Variants in DPYSL5 observed in about 807,000 individuals in gnomAD.
The protein encoded by DPYSL5 is dihydropyrimidinase like 5.
In DPYSL5, 9 loss-of-function variants were observed where a neutral mutation model predicts 58.4. The observed-to-expected ratio is 0.15, with a 90% confidence interval of 0.09 to 0.27. The LOEUF (loss-of-function observed/expected upper bound fraction) is 0.27. DPYSL5 is among the 10% of genes least tolerant of loss of function. The pLI is 1.00. For missense variants in DPYSL5, 499 were observed against 770.6 expected, an observed-to-expected ratio of 0.65 and a Z score of 4.17; for synonymous variants, 293 against 301.9, an observed-to-expected ratio of 0.97 and a Z score of 0.31.
At chr2:26,928,124 A>G in intron 4 of DPYSL5, 131 bp from the exon 5 acceptor site, 1 of 943,520 alleles carries the variant, frequency 1.1e-6, no homozygotes. Flanking sequence ...CGAACACTGC[A>G]GAAGTGAGAA....
At chr2:26,938,790 C>A (rs1257404414) in intron 8 of DPYSL5, 2 of 152,220 alleles carry the variant, frequency 1.3e-5, no homozygotes, top group Non-Finnish European at 2.9e-5. Flanking sequence ...ACAATGGGAC[C>A]CCTGCCCCTG....
chr2:26,931,953 A>T (rs1665000700), intron 6 of DPYSL5, among the ~76,000 whole-genome samples: 2 of 140,148 alleles, frequency 1.4e-5, no homozygotes, highest in Admixed American at 1.5e-4. Context: ...GGTTGCAGTG[A>T]GCCAAGATCG....
intron 1 of DPYSL5, among the ~76,000 whole-genome samples, chr2:26,859,260 C>A (rs1296851562): frequency 1.3e-5 from 2 of 151,984 alleles, no homozygotes; most frequent in Non-Finnish European, 2.9e-5. Flanking sequence ...TTAGATAGTA[C>A]AACCACAAAA....
At chr2:26,883,626 T>C (rs1663629741) in intron 1 of DPYSL5, among the ~76,000 whole-genome samples, 1 of 152,176 alleles carries the variant, frequency 6.6e-6, no homozygotes, top group Non-Finnish European at 1.5e-5. Flanking sequence ...CTTGAACCCC[T>C]GACCTCAAGT....
At chr2:26,915,661 G>T (rs966405180) in intron 2 of DPYSL5, among the ~76,000 whole-genome samples, 1 of 152,070 alleles carries the variant, frequency 6.6e-6, no homozygotes, top group Non-Finnish European at 1.5e-5. Context: ...TTGACTCTGC[G>T]GTGCATTTTC....
At chr2:26,928,182 C>A in intron 4 of DPYSL5, 73 bp from the exon 5 acceptor site, 1 of 1,459,854 alleles carries the variant, frequency 6.9e-7, no homozygotes, top group South Asian at 1.2e-5. Flanking sequence ...ATTTCACTGT[C>A]CCTTGGGTTC....
chr2:26,924,954 T>A lies in DPYSL5; in HGVS notation c.329T>A (p.Val110Glu), dbSNP rs1287257616. ...HVLPDKETSL[V>E]DAYEKCRGLA... ...CTGCCCGACAAGGAGACCTCCCTTG[T>A]GGACGCTTATGAGAAGTGCCGAGGT... Residue 110 changes from valine (V) to glutamate (E), a missense_variant, in exon 3 of 13, where the codon GTG (valine) becomes GAG (glutamate). Physicochemically the swap from Val to Glu is moderately radical, Grantham distance 121. Transcript: ENST00000288699. This position sits in a 1 kb window ranked among gnomAD's most constrained non-coding sequence, Gnocchi z 4.7. 1 of 1,614,190 alleles carries A rather than the reference T, an allele frequency of 6.2e-7. No homozygotes were observed. Among genetic ancestry groups the A allele is most frequent in the Admixed American group, 1.7e-5 (1 of 60,022 alleles).
At chr2:26,930,983 A>T (rs1253060726) in intron 5 of DPYSL5, among the ~76,000 whole-genome samples, 1 of 148,464 alleles carries the variant, frequency 6.7e-6, no homozygotes, top group African/African-American at 2.5e-5. Flanking sequence ...GGGAAAAAAA[A>T]AAAAAATTAG....
chr2:26,928,712 C>CACACACACACACACACACACACACAA (rs1664892268), intron 5 of DPYSL5, among the ~76,000 whole-genome samples: 1 of 42,684 alleles, frequency 2.3e-5, no homozygotes. Context: ...TATACACACA[C>CACACACACACACACACACACACACAA]ACACATACAT....
rs779882719 is a variant in DPYSL5, at chr2:26,924,940, G to A, written c.315G>A (p.Lys105=). 13 of 1,614,168 alleles carry A rather than the reference G, an allele frequency of 8.1e-6. No homozygotes were observed. The East Asian group carries it at 2.9e-4, about 36-fold the overall frequency. The part of the protein sequence containing the change: ...TMIIGHVLPD[K]ETSLVDAYEK... The stretch of plus-strand genomic sequence containing the variant: ...TCATCGGCCACGTCCTGCCCGACAA[G>A]GAGACCTCCCTTGTGGACGCTTATG... Residue 105 remains lysine, a synonymous_variant, in exon 3 of 13, where the codon AAG becomes AAA. Coordinates refer to ENST00000288699, the MANE Select transcript of DPYSL5 (RefSeq NM_020134.4). The surrounding 1 kb of genome is among the most constrained non-coding windows in gnomAD (Gnocchi z 4.7).
chr2:26,873,221 G>T (rs1479621702), intron 1 of DPYSL5, among the ~76,000 whole-genome samples: 2 of 151,982 alleles, frequency 1.3e-5, no homozygotes, highest in East Asian at 1.9e-4. Flanking sequence ...ACAATTTTTT[G>T]ATGTATATTT....
intron 2 of DPYSL5, among the ~76,000 whole-genome samples, chr2:26,915,699 G>A (rs983955380): frequency 6.6e-6 from 1 of 152,062 alleles, no homozygotes; most frequent in South Asian, 2.1e-4. Context: ...CCTCACCTTG[G>A]CTCAGACCAA....
At chr2:26,864,186 A>C (rs1666086158) in intron 1 of DPYSL5, among the ~76,000 whole-genome samples, 1 of 152,236 alleles carries the variant, frequency 6.6e-6, no homozygotes, top group Admixed American at 6.5e-5. Context: ...CGGAGGTTTC[A>C]GTGGGCCCAG....
rs1665104829 is a variant in DPYSL5, at chr2:26,934,026, A to T, written c.791-552A>T. On this transcript the variant is annotated intron_variant, in intron 7 of 12. Coordinates refer to ENST00000288699, the MANE Select transcript of DPYSL5 (RefSeq NM_020134.4). The surrounding 1 kb of genome is among the most constrained non-coding windows in gnomAD (Gnocchi z 4.3). ...GGCCTTCAACTCTATCGCCCTCTAGATCCCGCCACCTGCCTCTCCCCTCAC... is the reference window on the plus strand; with the variant it reads ...GGCCTTCAACTCTATCGCCCTCTAGTTCCCGCCACCTGCCTCTCCCCTCAC... Among the ~76,000 whole-genome samples the T allele has an allele frequency of 6.6e-6, 1 of 151,928 alleles. No homozygotes were observed. Among genetic ancestry groups the T allele is most frequent in the Non-Finnish European group, 1.5e-5 (1 of 67,970 alleles).
rs554595025 is a variant in DPYSL5 at position 26,914,140 on chromosome 2, C to T, written c.262-10747C>T. ...CAGTATTACAGAAGAATCTGGGATA[C>T]GGAGTAAAAATACCTGGATCGCAGC... On this transcript the variant is annotated intron_variant, in intron 2 of 12. Coordinates refer to ENST00000288699, the MANE Select transcript of DPYSL5 (RefSeq NM_020134.4). Among the ~76,000 whole-genome samples, 11 of 152,212 alleles carry T rather than the reference C, an allele frequency of 7.2e-5. No individual in the cohort carries two copies. In the East Asian group the frequency reaches 9.7e-4, roughly 13 times the overall value.
At chr2:26,928,704 T>TATATATACACAC in intron 5 of DPYSL5, among the ~76,000 whole-genome samples, 1 of 62,966 alleles carries the variant, frequency 1.6e-5, no homozygotes, top group African/African-American at 6.3e-5. Flanking sequence ...TATATATATA[T>TATATATACACAC]ACACACACAC....
In DPYSL5 at chr2:26,898,833, A is replaced by G; in HGVS notation, c.261+73A>G. 6.6e-7 allele frequency: 1 copy of G among 1,523,752 alleles called. No homozygotes were observed. Among genetic ancestry groups the G allele is most frequent in the Non-Finnish European group, 8.8e-7 (1 of 1,132,384 alleles). 94.4% of individuals were successfully genotyped at this position (1,523,752 alleles called of 1,614,324 possible). ...TCTGCTTCTAGGGCTGCTCCAGACT[A>G]GACTCATGTGAGCCAGGTGCTCCCA... is the stretch of plus-strand genomic sequence containing the variant. On this transcript the variant is annotated intron_variant, in intron 2 of 12. Coordinates refer to ENST00000288699, the MANE Select transcript of DPYSL5 (RefSeq NM_020134.4). This position sits in a 1 kb window ranked among gnomAD's most constrained non-coding sequence, Gnocchi z 6.1.
chr2:26,904,226 G>A (rs778510858), intron 2 of DPYSL5, among the ~76,000 whole-genome samples: 21 of 152,088 alleles, frequency 1.4e-4, no homozygotes, highest in African/African-American at 3.9e-4. Flanking sequence ...GGTATGTGCC[G>A]CTAGGACATA....
At chr2:26,880,064 A>AT (rs1663517359) in intron 1 of DPYSL5, among the ~76,000 whole-genome samples, 1 of 151,580 alleles carries the variant, frequency 6.6e-6, no homozygotes, top group Non-Finnish European at 1.5e-5. Flanking sequence ...CTAACTTTTG[A>AT]TTTTTTGTAG....
Sources: allele counts gnomAD v4.1 joint callset (sites outside exome capture counted in the v4.1 genomes callset), GRCh38; gene constraint gnomAD v4.1.1; non-coding constraint Gnocchi (gnomAD v3.1); transcripts MANE v1.5; gene names NCBI Gene and HGNC (gene_info 2026-07-23, HGNC 2026-07-21).